Variants in TIMP3 observed in about 807,000 individuals in gnomAD.
The protein encoded by TIMP3 is metalloproteinase inhibitor 3.
In TIMP3, 11 loss-of-function variants were observed where a neutral mutation model predicts 30.0. The ratio of observed to expected loss-of-function variants is 0.37; its 90% confidence interval spans 0.23 to 0.61. The LOEUF (loss-of-function observed/expected upper bound fraction) is 0.61, where lower values mean the gene tolerates loss of function less well. TIMP3 is among the 20% of genes least tolerant of loss of function. The pLI, the probability that TIMP3 is intolerant of heterozygous loss-of-function variation, is 0.70. For missense variants in TIMP3, 181 were observed against 276.8 expected, an observed-to-expected ratio of 0.65 and a Z score of 2.45; for synonymous variants, 112 against 111.3, an observed-to-expected ratio of 1.01 and a Z score of -0.04.
intron 1 of TIMP3, among the ~76,000 whole-genome samples, chr22:32,814,509 A>C: frequency 6.6e-6 from 1 of 152,200 alleles, no homozygotes; most frequent in Non-Finnish European, 1.5e-5. Context: ...TAACGGAGAA[A>C]GACAAGAGAT....
At chr22:32,832,327 A>G (rs1322181475) in intron 1 of TIMP3, among the ~76,000 whole-genome samples, 1 of 152,226 alleles carries the variant, frequency 6.6e-6, no homozygotes, top group Admixed American at 6.5e-5. Context: ...ATATAAAGTG[A>G]TGGGACTCTT....
intron 1 of TIMP3, among the ~76,000 whole-genome samples, chr22:32,821,632 C>T (rs1038626868): frequency 2.6e-5 from 4 of 152,174 alleles, no homozygotes; most frequent in African/African-American, 9.6e-5. Flanking sequence ...GATGGAAGAG[C>T]GGAGGCCCAG....
chr22:32,848,257 T>A (rs530725284), intron 1 of TIMP3, among the ~76,000 whole-genome samples: 2 of 152,380 alleles, frequency 1.3e-5, no homozygotes, highest in East Asian at 3.9e-4. Flanking sequence ...TTTGTATTCA[T>A]AGTTAACTAG....
At chr22:32,823,273 A>T (rs2047306245) in intron 1 of TIMP3, among the ~76,000 whole-genome samples, 1 of 152,120 alleles carries the variant, frequency 6.6e-6, no homozygotes, top group South Asian at 2.1e-4. Flanking sequence ...GATTGCTCTT[A>T]CGGACCTGAC....
At chr22:32,806,238 C>G (rs889894611) in intron 1 of TIMP3, among the ~76,000 whole-genome samples, 5 of 152,106 alleles carry the variant, frequency 3.3e-5, no homozygotes, top group African/African-American at 1.2e-4. Context: ...GAAGGTGCCC[C>G]TCTGACAGTT....
At chr22:32,804,685 T>C (rs2046678452) in intron 1 of TIMP3, among the ~76,000 whole-genome samples, 1 of 152,186 alleles carries the variant, frequency 6.6e-6, no homozygotes, top group African/African-American at 2.4e-5. Context: ...GGGCCTGGCA[T>C]GGCATTCTGG....
In TIMP3 at chr22:32,818,292, C is replaced by T. The variant is rs529807700; in HGVS notation, c.121+16170C>T. On this transcript the variant is annotated intron_variant, in intron 1 of 4. Transcript: ENST00000266085. ...ATGGCTCTGCTGGGCAAAGCAAGGA[C>T]GGGCACATCCAGCCTATGCGGTCCA... 4.6e-5 allele frequency among the ~76,000 whole-genome samples: 7 copies of T among 152,278 alleles called. No individual in the cohort carries two copies. In the South Asian group the frequency reaches 8.3e-4, roughly 18 times the overall value.
intron 1 of TIMP3, among the ~76,000 whole-genome samples, chr22:32,829,241 G>C (rs1051628596): frequency 3.9e-5 from 6 of 152,192 alleles, no homozygotes; most frequent in Non-Finnish European, 8.8e-5. Flanking sequence ...TACCCTCTTT[G>C]ATCTAAACCC....
At chr22:32,824,128 A>G (rs760490728) in intron 1 of TIMP3, among the ~76,000 whole-genome samples, 1 of 151,948 alleles carries the variant, frequency 6.6e-6, no homozygotes, top group Admixed American at 6.6e-5. Context: ...AATACAAAAA[A>G]TTAACCAGGT....
Position 32,842,010 on chromosome 22 carries a change from C to A in TIMP3, c.122-7442C>A, listed in dbSNP as rs73885117. ...TGACCGGACTGAGCACCAAGAAGGTCATGGGTGACTTCGACAAGCACTGCT... is the reference window on the plus strand; with the variant it reads ...TGACCGGACTGAGCACCAAGAAGGTAATGGGTGACTTCGACAAGCACTGCT... On this transcript the variant is annotated intron_variant, in intron 1 of 4. Transcript: ENST00000266085. Among the ~76,000 whole-genome samples the A allele has an allele frequency of 8.9e-3, 1,351 of 152,218 alleles. 20 individuals carry two copies. The highest frequency in any genetic ancestry group is 0.031 in the African/African-American group (1,299 of 41,532).
chr22:32,828,211 C>T (rs1308458555), intron 1 of TIMP3, among the ~76,000 whole-genome samples: 2 of 152,174 alleles, frequency 1.3e-5, no homozygotes, highest in African/African-American at 2.4e-5. Context: ...GCCCTGGTTT[C>T]CCAGCTAGTG....
In TIMP3 at chr22:32,837,341, C is replaced by T. The variant is rs565168533; in HGVS notation, c.122-12111C>T. Among the ~76,000 whole-genome samples, 1 of 152,132 alleles carries T rather than the reference C, an allele frequency of 6.6e-6. No homozygotes were observed. The highest frequency in any genetic ancestry group is 2.4e-5 in the African/African-American group (1 of 41,426). Reference sequence around the variant, plus strand: ...GGGGATAGGGGGTGGTCTCAGCCCCCCTCACCGAGTGCACTTGCATGGCAG... The same window carrying T: ...GGGGATAGGGGGTGGTCTCAGCCCCTCTCACCGAGTGCACTTGCATGGCAG... On this transcript the variant is annotated intron_variant, in intron 1 of 4. Coordinates refer to ENST00000266085, the MANE Select transcript of TIMP3 (RefSeq NM_000362.5). This position sits in a 1 kb window ranked among gnomAD's most constrained non-coding sequence, Gnocchi z 4.1.
intron 1 of TIMP3, among the ~76,000 whole-genome samples, chr22:32,833,418 A>G (rs922559696): frequency 2.2e-4 from 34 of 152,184 alleles, no homozygotes; most frequent in Middle Eastern, 3.2e-3. Context: ...CCAAAGGAGA[A>G]TTTTTTTATA....
rs1210980921 is a variant in TIMP3, at chr22:32,830,080, AGG to A, written c.122-19371_122-19370del. Among the ~76,000 whole-genome samples the A allele has an allele frequency of 5.3e-5, 8 of 152,294 alleles. No individual in the cohort carries two copies. In the East Asian group the frequency reaches 1.5e-3, roughly 29 times the overall value. ...TAAGTGGGGCAGCCGACATTTCAGG[AGG>A]AGGAAGGTTGGCAGCCAGGCTGCTG... On this transcript the variant is annotated intron_variant, in intron 1 of 4. Coordinates refer to ENST00000266085, the MANE Select transcript of TIMP3 (RefSeq NM_000362.5).
At chr22:32,813,956 A>G (rs146093746) in intron 1 of TIMP3, among the ~76,000 whole-genome samples, 1 of 152,242 alleles carries the variant, frequency 6.6e-6, no homozygotes, top group Non-Finnish European at 1.5e-5. Context: ...CCATCATATT[A>G]TTACTACATG....
chr22:32,815,594 T>C lies in TIMP3; in HGVS notation c.121+13472T>C, dbSNP rs80292111. Among the ~76,000 whole-genome samples the C allele has an allele frequency of 9.8e-3, 1,494 of 152,324 alleles. 26 individuals are homozygous for C. The highest frequency in any genetic ancestry group is 0.034 in the African/African-American group (1,397 of 41,566). The stretch of plus-strand genomic sequence containing the variant: ...GAATTAAATATGAAAGCAGCTACTA[T>C]TTGTTGACAGCTATTTTAAGATCTT... On this transcript the variant is annotated intron_variant, in intron 1 of 4. Coordinates refer to ENST00000266085, the MANE Select transcript of TIMP3 (RefSeq NM_000362.5).
At chr22:32,814,672 G>C (rs73885109) in intron 1 of TIMP3, among the ~76,000 whole-genome samples, 1 of 152,288 alleles carries the variant, frequency 6.6e-6, no homozygotes, top group African/African-American at 2.4e-5. Flanking sequence ...GCTCCACCTG[G>C]ATAGTTAACA....
intron 1 of TIMP3, among the ~76,000 whole-genome samples, chr22:32,803,151 A>AGT (rs200115311): frequency 2.6e-5 from 4 of 151,442 alleles, no homozygotes; most frequent in East Asian, 3.9e-4. Flanking sequence ...CTGCTGGGAG[A>AGT]GTGTGTGTGT....
At chr22:32,854,903 T>C (rs566586574) in intron 2 of TIMP3, among the ~76,000 whole-genome samples, 3 of 152,252 alleles carry the variant, frequency 2.0e-5, no homozygotes, top group African/African-American at 7.2e-5. Context: ...GACCAAGTTA[T>C]GCTATGAAGG....
Sources: gnomAD v4.1 joint callset for allele counts (sites outside exome capture counted in the v4.1 genomes callset) on GRCh38, gnomAD v4.1.1 for gene constraint, Gnocchi (gnomAD v3.1) non-coding constraint, MANE v1.5 for transcripts, NCBI Gene and HGNC (gene_info 2026-07-23, HGNC 2026-07-21) for gene names.